SLC24A3: variants seen among roughly 807,000 people sequenced by gnomAD.
SLC24A3 encodes solute carrier family 24 member 3, also known as sodium/potassium/calcium exchanger 3.
In SLC24A3, 28 loss-of-function variants were observed where a neutral mutation model predicts 75.8. That is an observed-to-expected ratio of 0.37 (90% CI 0.27 to 0.51). The LOEUF is 0.51. Among genes scored for constraint, SLC24A3 ranks in the 20% least tolerant of loss-of-function variants. The probability of loss-of-function intolerance (pLI) is 0.94; values close to 1 mark genes in which losing one functional copy is unlikely to be tolerated. For synonymous variants in SLC24A3, 372 were observed against 334.1 expected (o/e 1.11, Z -1.24); for missense variants, 663 against 847.8 (o/e 0.78, Z 2.71).
At chr20:19,548,157 G>A (rs1450668423) in intron 3 of SLC24A3, among the ~76,000 whole-genome samples, 2 of 152,148 alleles carry the variant, frequency 1.3e-5, no homozygotes, top group African/African-American at 2.4e-5. Context: ...CGCGCTTCTC[G>A]GCTCTTACTG....
chr20:19,580,472 C>T (rs1391015236), intron 4 of SLC24A3, among the ~76,000 whole-genome samples: 9 of 152,084 alleles, frequency 5.9e-5, no homozygotes, highest in East Asian at 3.9e-4. Flanking sequence ...ATGGCATCCT[C>T]GCAGGATTAA....
chr20:19,552,895 G>A (rs945008398), intron 3 of SLC24A3, among the ~76,000 whole-genome samples: 19 of 152,118 alleles, frequency 1.2e-4, no homozygotes, highest in African/African-American at 4.6e-4. Context: ...AAAGGGGAGG[G>A]GGCCACGATC....
intron 2 of SLC24A3, among the ~76,000 whole-genome samples, chr20:19,495,958 A>C (rs907750814): frequency 2.6e-5 from 4 of 152,174 alleles, no homozygotes; most frequent in African/African-American, 9.7e-5. Context: ...AGTTTCCGGC[A>C]AAAACAAGAT....
chr20:19,249,014 A>G (rs1982574969), intron 1 of SLC24A3, among the ~76,000 whole-genome samples: 1 of 151,674 alleles, frequency 6.6e-6, no homozygotes, highest in Non-Finnish European at 1.5e-5. Context: ...TGTTGGTCCA[A>G]GGATATGAAG....
At chr20:19,345,910 C>T (rs59940903) in intron 2 of SLC24A3, among the ~76,000 whole-genome samples, 10,519 of 151,296 alleles carry the variant, frequency 0.07, 1,188 homozygotes, top group African/African-American at 0.24. Context: ...GTAGATTTAT[C>T]GTTTGATCCA....
intron 15 of SLC24A3, among the ~76,000 whole-genome samples, chr20:19,708,253 G>A (rs534842767): frequency 4.7e-4 from 71 of 152,246 alleles, no homozygotes; most frequent in Admixed American, 4.3e-3. Context: ...GACAGCATGG[G>A]GGTATATTCT....
intron 6 of SLC24A3, among the ~76,000 whole-genome samples, chr20:19,595,982 G>A (rs993478168): frequency 6.6e-6 from 1 of 152,126 alleles, no homozygotes; most frequent in African/African-American, 2.4e-5. Flanking sequence ...CATGGAATAG[G>A]CCAGTTTGGA....
chr20:19,546,021 T>C (rs915807164), intron 3 of SLC24A3, among the ~76,000 whole-genome samples: 1 of 151,692 alleles, frequency 6.6e-6, no homozygotes. Context: ...TAGCCGGGCA[T>C]GGTGGCGGGC....
intron 2 of SLC24A3, among the ~76,000 whole-genome samples, chr20:19,373,549 G>A (rs1600453290): frequency 6.6e-6 from 1 of 152,308 alleles, no homozygotes; most frequent in East Asian, 1.9e-4. Flanking sequence ...GAGGGACACT[G>A]AGCCCATGGA....
At chr20:19,615,057 C>A (rs1024619187) in intron 6 of SLC24A3, among the ~76,000 whole-genome samples, 1 of 91,544 alleles carries the variant, frequency 1.1e-5, no homozygotes, top group Non-Finnish European at 2.9e-5. Flanking sequence ...TTAAACAGAT[C>A]TGTAAGGGTA....
intron 6 of SLC24A3, among the ~76,000 whole-genome samples, chr20:19,587,806 C>T (rs147922897): frequency 1.3e-5 from 2 of 152,278 alleles, no homozygotes; most frequent in African/African-American, 4.8e-5. Flanking sequence ...CTAGTGTTGC[C>T]ATCAAGATGA....
intron 2 of SLC24A3, among the ~76,000 whole-genome samples, chr20:19,479,135 G>A (rs983310093): frequency 1.3e-5 from 2 of 152,204 alleles, no homozygotes; most frequent in African/African-American, 2.4e-5. Flanking sequence ...TGAAAGATCA[G>A]TGCATTCAGA....
intron 3 of SLC24A3, among the ~76,000 whole-genome samples, chr20:19,540,388 G>A (rs1445316591): frequency 2.0e-5 from 3 of 152,198 alleles, no homozygotes; most frequent in African/African-American, 7.2e-5. Context: ...TGCCATCGCT[G>A]GAACAGCCAG....
intron 9 of SLC24A3, among the ~76,000 whole-genome samples, chr20:19,677,064 T>G (rs1387799164): frequency 6.6e-6 from 1 of 152,228 alleles, no homozygotes; most frequent in African/African-American, 2.4e-5. Context: ...TAGTTTAACC[T>G]GGTATCCAGT....
intron 3 of SLC24A3, among the ~76,000 whole-genome samples, chr20:19,578,432 A>G (rs963454565): frequency 3.3e-5 from 5 of 151,964 alleles, no homozygotes; most frequent in African/African-American, 7.3e-5. Flanking sequence ...TTTTCTCTAT[A>G]TGACAGCTGC....
chr20:19,571,787 T>C (rs1342582923), intron 3 of SLC24A3, among the ~76,000 whole-genome samples: 5 of 152,128 alleles, frequency 3.3e-5, no homozygotes, highest in Admixed American at 6.5e-5. Flanking sequence ...TAAATAACCA[T>C]AGGGTGGGAC....
Position 19,685,321 on chromosome 20 carries a change from G to T in SLC24A3, c.1284G>T (p.Glu428Asp), listed in dbSNP as rs768847571. The change falls in exon 12 of 17, where the codon GAG becomes GAT. Residue 428 changes from glutamate to aspartate, a missense_variant. Physicochemically the swap from Glu to Asp is conservative, Grantham distance 45. Coordinates refer to ENST00000328041, the MANE Select transcript of SLC24A3 (RefSeq NM_020689.4). ...ATGATGAGGAGGAAGAGGAGGACGA[G>T]GATGATGATGAAGGACCGTACACAC... ...NENDEEEEEDEDDDEGPYTPF... is the reference protein window; with the variant it reads ...NENDEEEEEDDDDDEGPYTPF... 13 of 1,614,188 alleles carry T rather than the reference G, an allele frequency of 8.1e-6. No individual in the cohort carries two copies. Among genetic ancestry groups the T allele is most frequent in the Non-Finnish European group, 1.1e-5 (13 of 1,180,038 alleles).
At chr20:19,645,746 A>T (rs1321299714) in intron 6 of SLC24A3, among the ~76,000 whole-genome samples, 1 of 152,188 alleles carries the variant, frequency 6.6e-6, no homozygotes, top group Non-Finnish European at 1.5e-5. Flanking sequence ...AATCAGGCCA[A>T]ACAACCAAAA....
At chr20:19,606,547 T>C (rs2031599984) in intron 6 of SLC24A3, among the ~76,000 whole-genome samples, 1 of 152,226 alleles carries the variant, frequency 6.6e-6, no homozygotes, top group African/African-American at 2.4e-5. Flanking sequence ...GCAAATGATA[T>C]TCATCTGACT....
Sources: gnomAD v4.1 joint callset for allele counts (sites outside exome capture counted in the v4.1 genomes callset) on GRCh38, gnomAD v4.1.1 for gene constraint, MANE v1.5 for transcripts, NCBI Gene and HGNC (gene_info 2026-07-23, HGNC 2026-07-21) for gene names.